The following RFX3 variants were observed in gnomAD, a reference collection of about 807,000 sequenced individuals.
RFX3 encodes transcription factor RFX3.
Under a neutral mutation model 98.6 loss-of-function variants are expected in RFX3, and 14 were observed. The ratio of observed to expected loss-of-function variants is 0.14; its 90% CI spans 0.09 to 0.22. RFX3 has a LOEUF of 0.22. RFX3 is among the 10% of genes least tolerant of loss of function. RFX3 has a pLI of 1.00. For missense variants in RFX3, 639 were observed against 926.9 expected (o/e 0.69, Z 4.03); for synonymous variants, 383 against 328.4 (o/e 1.17, Z -1.80).
chr9:3,363,410 C>G (rs968677340), intron 2 of RFX3, among the ~76,000 whole-genome samples: 1 of 152,274 alleles, frequency 6.6e-6, no homozygotes, highest in African/African-American at 2.4e-5. Flanking sequence ...CAGATTCATA[C>G]TTACTCCCGG....
At chr9:3,271,804 T>C (rs1384244277) in intron 9 of RFX3, among the ~76,000 whole-genome samples, 1 of 152,128 alleles carries the variant, frequency 6.6e-6, no homozygotes, top group Non-Finnish European at 1.5e-5. Context: ...CAGGTTCCAC[T>C]GTGTTCCCAG....
chr9:3,513,342 A>T (rs889778366), intron 1 of RFX3, among the ~76,000 whole-genome samples: 4 of 152,026 alleles, frequency 2.6e-5, no homozygotes, highest in African/African-American at 9.7e-5. Flanking sequence ...CCCTGAAATG[A>T]TATTTCTTTT....
intron 7 of RFX3, among the ~76,000 whole-genome samples, chr9:3,285,751 A>G (rs1826507533): frequency 6.6e-6 from 1 of 151,718 alleles, no homozygotes; most frequent in South Asian, 2.1e-4. Context: ...CTGTTTCGTA[A>G]GAAATAAGAA....
rs750145186 is a variant in RFX3, at chr9:3,411,658, GT to G, written c.-8-16063del. Among the ~76,000 whole-genome samples the G allele has an allele frequency of 2.5e-3, 355 of 142,986 alleles. 4 individuals carry two copies. In the South Asian group the frequency reaches 0.027, roughly 11 times the overall value. The allele number at this position is 142,986 out of a possible 152,430, so 93.8% of individuals were successfully genotyped here. A position where few individuals can be genotyped will look rare whatever the true frequency, so the allele number is the denominator to read the frequency against. On this transcript the variant is annotated intron_variant, in intron 1 of 16. Transcript: ENST00000617270. ...ATCCAGCTAATTTTTGTGTGTGTGT[GT>G]TTTTTTTTTTTAGTAGAGAGGGGAT...
At chr9:3,270,259 G>A in intron 11 of RFX3, 112 bp downstream of exon 11, 1 of 1,137,884 alleles carries the variant, frequency 8.8e-7, no homozygotes, top group African/African-American at 1.6e-5. Context: ...TTTTCTATCT[G>A]GCAAATCTAA....
intron 7 of RFX3, among the ~76,000 whole-genome samples, chr9:3,286,165 G>A (rs910915713): frequency 9.2e-5 from 14 of 151,750 alleles, no homozygotes; most frequent in African/African-American, 3.1e-4. Context: ...CATCTCCACT[G>A]TGTAGTGGTG....
chr9:3,411,914 G>A (rs1279346934), intron 1 of RFX3, among the ~76,000 whole-genome samples: 1 of 152,108 alleles, frequency 6.6e-6, no homozygotes, highest in Non-Finnish European at 1.5e-5. Context: ...AGTCAGGAGT[G>A]CAGCTTAATT....
chr9:3,338,715 C>T (rs1367224019), intron 3 of RFX3, among the ~76,000 whole-genome samples: 1 of 152,152 alleles, frequency 6.6e-6, no homozygotes, highest in Non-Finnish European at 1.5e-5. Context: ...CTGGGGAATA[C>T]ACTTTGGGAA....
chr9:3,238,027 T>C (rs1038806019), intron 15 of RFX3, among the ~76,000 whole-genome samples: 30 of 152,200 alleles, frequency 2.0e-4, no homozygotes, highest in Middle Eastern at 3.4e-3. Context: ...CTTTGAGCCT[T>C]AGACTTCCCA....
At chr9:3,364,745 C>T (rs751950042) in intron 2 of RFX3, 1 of 153,034 alleles carries the variant, frequency 6.5e-6, no homozygotes, top group Admixed American at 6.5e-5. Flanking sequence ...AGTATGTTAA[C>T]TGAAGCCTTC....
At chr9:3,452,625 C>T (rs751983608) in intron 1 of RFX3, among the ~76,000 whole-genome samples, 5 of 152,096 alleles carry the variant, frequency 3.3e-5, no homozygotes, top group Admixed American at 6.5e-5. Context: ...AGAATAACCA[C>T]AATTTAGATA....
chr9:3,390,732 C>T (rs529703744), intron 2 of RFX3, among the ~76,000 whole-genome samples: 23 of 152,166 alleles, frequency 1.5e-4, no homozygotes, highest in African/African-American at 5.1e-4. Flanking sequence ...TTACCTGCTG[C>T]CACCCGTGTA....
intron 1 of RFX3, among the ~76,000 whole-genome samples, chr9:3,477,367 T>C (rs1012796477): frequency 6.6e-6 from 1 of 152,226 alleles, no homozygotes; most frequent in Non-Finnish European, 1.5e-5. Flanking sequence ...CTTTAACATT[T>C]CTTAGAGTTC....
intron 1 of RFX3, chr9:3,420,766 G>A (rs12337095): frequency 0.14 from 133,834 of 982,008 alleles, 12,553 homozygotes; most frequent in African/African-American, 0.45. Flanking sequence ...CATCACTACT[G>A]TTCTTTCCTT....
intron 15 of RFX3, among the ~76,000 whole-genome samples, chr9:3,231,423 T>C (rs1407609731): frequency 6.6e-6 from 1 of 152,126 alleles, no homozygotes; most frequent in Non-Finnish European, 1.5e-5. Context: ...AGTCAATACA[T>C]ATTTATTGAG....
At chr9:3,506,387 T>C (rs1817098190) in intron 1 of RFX3, among the ~76,000 whole-genome samples, 1 of 151,776 alleles carries the variant, frequency 6.6e-6, no homozygotes, top group African/African-American at 2.4e-5. Context: ...ACCCTGGAAC[T>C]GAAGTCCTGA....
intron 3 of RFX3, among the ~76,000 whole-genome samples, chr9:3,337,604 G>C (rs3012712): frequency 0.13 from 19,831 of 152,084 alleles, 1,326 homozygotes; most frequent in Middle Eastern, 0.19. Context: ...TCAGTACCCA[G>C]GGGTAGCAAT....
chr9:3,327,540 T>C (rs12002158), intron 4 of RFX3, among the ~76,000 whole-genome samples: 1 of 152,040 alleles, frequency 6.6e-6, no homozygotes, highest in Non-Finnish European at 1.5e-5. Context: ...TTGTGATTTT[T>C]CCATACAAAA....
chr9:3,421,780 A>T (rs1047249047), intron 1 of RFX3, among the ~76,000 whole-genome samples: 3 of 152,158 alleles, frequency 2.0e-5, no homozygotes, highest in Non-Finnish European at 2.9e-5. Context: ...TTCCACTCAC[A>T]TCACCTCTAA....
Sources: gnomAD v4.1 joint callset for allele counts (sites outside exome capture counted in the v4.1 genomes callset) on GRCh38, gnomAD v4.1.1 for gene constraint, MANE v1.5 for transcripts, NCBI Gene and HGNC (gene_info 2026-07-23, HGNC 2026-07-21) for gene names.